Variants in NCOR2 observed in about 807,000 individuals in gnomAD.
NCOR2 encodes CTG repeat protein 26.
Under a neutral mutation model 262.9 loss-of-function variants are expected in NCOR2, and 81 were observed. The ratio of observed to expected loss-of-function variants is 0.31; its 90% CI spans 0.26 to 0.37. The LOEUF is 0.37. NCOR2 is among the 10% of genes least tolerant of loss of function. NCOR2 has a pLI of 1.00. For synonymous variants in NCOR2, 1,659 were observed against 1,559.3 expected, an observed-to-expected ratio of 1.06 and a Z score of -1.51; for missense variants, 3,385 against 3,621.4, an observed-to-expected ratio of 0.93 and a Z score of 1.68.
chr12:124,338,923 C>T (rs1431257060), intron 37 of NCOR2, among the ~76,000 whole-genome samples: 2 of 147,990 alleles, frequency 1.4e-5, no homozygotes, highest in Non-Finnish European at 3.0e-5. Flanking sequence ...CCCACCCACC[C>T]AGCTAACCCA....
chr12:124,469,673 C>T (rs2046726469), intron 4 of NCOR2, among the ~76,000 whole-genome samples: 1 of 152,204 alleles, frequency 6.6e-6, no homozygotes, highest in Non-Finnish European at 1.5e-5. Flanking sequence ...ACCTCAGTGT[C>T]TACTTCAGCA....
rs147402676 is a variant in NCOR2, at chr12:124,375,642, T to C, written c.2168-1179A>G. ...CCACCAGATGGCCTCCTTTCCTTTC[T>C]GCCTGGAGGTCCCCAGTACCGGGCT... On this transcript the variant is annotated intron_variant, in intron 18 of 46. Coordinates refer to ENST00000405201, the Ensembl canonical transcript of NCOR2. 4.7e-4 allele frequency among the ~76,000 whole-genome samples: 71 copies of C among 152,348 alleles called. 1 individual carries two copies. Among genetic ancestry groups the C allele is most frequent in the African/African-American group, 1.6e-3 (67 of 41,580 alleles).
At chr12:124,433,904 A>ACATG (rs2044171732) in intron 8 of NCOR2, among the ~76,000 whole-genome samples, 1 of 93,896 alleles carries the variant, frequency 1.1e-5, no homozygotes, top group South Asian at 3.9e-4. Context: ...ACACACGCAC[A>ACATG]CACACACACA....
chr12:124,388,771 C>T (rs764455504), intron 16 of NCOR2: 81 of 1,303,020 alleles, frequency 6.2e-5, no homozygotes, highest in Middle Eastern at 2.1e-4. Context: ...CGAAGTGGGC[C>T]GGCAGGCTGG....
At chr12:124,451,563 G>A (rs952798479) in intron 6 of NCOR2, among the ~76,000 whole-genome samples, 44 of 139,734 alleles carry the variant, frequency 3.1e-4, no homozygotes, top group Non-Finnish European at 5.9e-4. Flanking sequence ...GTGTGTGTGT[G>A]TATGTCTTTC....
intron 34 of NCOR2, 56 bp downstream of exon 36, chr12:124,341,767 C>A: frequency 6.4e-7 from 1 of 1,554,864 alleles, no homozygotes; most frequent in Non-Finnish European, 8.7e-7. Context: ...GGGGCACGCC[C>A]ATGTCCTTTG....
At chr12:124,334,579 C>T in exon 41 of NCOR2, 1 of 1,412,486 alleles carries the variant, frequency 7.1e-7, no homozygotes, top group South Asian at 1.6e-5. Context: ...CGCTGAGCTG[C>T]TGTGGGTGGT....
intron 44 of NCOR2, chr12:124,328,768 A>C (rs2034916790): frequency 5.0e-6 from 1 of 199,068 alleles, no homozygotes; most frequent in East Asian, 1.4e-4. Context: ...TCCTTTGTAA[A>C]CCAAACCGAG....
At chr12:124,332,576 C>T (rs1320728950) in intron 42 of NCOR2, 109 bp from the exon 45 acceptor site, 1 of 1,378,396 alleles carries the variant, frequency 7.3e-7, no homozygotes, top group African/African-American at 1.4e-5. Flanking sequence ...AAGCAAGCTT[C>T]ACCCGCCCCC....
Position 124,457,275 on chromosome 12 carries a change from A to T in NCOR2, c.706-113T>A, listed in dbSNP as rs1207282135. ...CTGCCCAGCCCAGTCCAGCATGCTG[A>T]TCCTCAGCACGGGGGAGGGAGGCCC... On this transcript the variant is annotated intron_variant, in intron 5 of 46. Coordinates refer to ENST00000405201, the Ensembl canonical transcript of NCOR2. The surrounding 1 kb of genome is among the most constrained non-coding windows in gnomAD (Gnocchi z 4.0). 1.7e-6 allele frequency: 2 copies of T among 1,197,492 alleles called. No individual in the cohort carries two copies. The highest frequency in any genetic ancestry group is 2.3e-6 in the Non-Finnish European group (2 of 883,804). The allele number at this position is 1,197,492 out of a possible 1,614,324, so 74.2% of individuals were successfully genotyped here.
rs2047572949 is a variant in NCOR2 at position 124,482,911 on chromosome 12, T to G, written c.411+685A>C. Among the ~76,000 whole-genome samples, 1 of 152,270 alleles carries G rather than the reference T, an allele frequency of 6.6e-6. No individual in the cohort carries two copies. The highest frequency in any genetic ancestry group is 6.5e-5 in the Admixed American group (1 of 15,302). Reference sequence around the variant, plus strand: ...CAGACTGGGCAGTAGAAGGCGGCTTTGTCATTCTAGGGGTCCAGGCCATGT... The same window carrying G: ...CAGACTGGGCAGTAGAAGGCGGCTTGGTCATTCTAGGGGTCCAGGCCATGT... On this transcript the variant is annotated intron_variant, in intron 3 of 46. Coordinates refer to ENST00000405201, the Ensembl canonical transcript of NCOR2. The surrounding 1 kb of genome is among the most constrained non-coding windows in gnomAD (Gnocchi z 6.3).
At chr12:124,342,272 C>T (rs944541460) in intron 33 of NCOR2, among the ~76,000 whole-genome samples, 198 bp from the exon 36 acceptor site, 3 of 152,200 alleles carry the variant, frequency 2.0e-5, no homozygotes, top group Admixed American at 1.3e-4. Flanking sequence ...GTGACTTCTA[C>T]GAAGGATGCT....
intron 1 of NCOR2, among the ~76,000 whole-genome samples, chr12:124,550,131 G>T (rs2051669463): frequency 6.7e-6 from 1 of 148,844 alleles, no homozygotes; most frequent in Non-Finnish European, 1.5e-5. Flanking sequence ...CAGGGGTGTT[G>T]CCCAGAGCAG....
chr12:124,381,560 A>T (rs2040410319), intron 17 of NCOR2, among the ~76,000 whole-genome samples: 1 of 152,190 alleles, frequency 6.6e-6, no homozygotes, highest in African/African-American at 2.4e-5. Context: ...CTCTGTAACT[A>T]TGTCTTTAGA....
intron 10 of NCOR2, 131 bp from the exon 13 acceptor site, chr12:124,426,931 A>T: frequency 1.3e-6 from 1 of 757,712 alleles, no homozygotes; most frequent in Non-Finnish European, 2.0e-6. Flanking sequence ...ACCAAGGAGA[A>T]GGAGAATGAT....
At chr12:124,437,436 C>A (rs937726204) in intron 8 of NCOR2, among the ~76,000 whole-genome samples, 4 of 152,204 alleles carry the variant, frequency 2.6e-5, no homozygotes, top group Non-Finnish European at 4.4e-5. Context: ...AGGCCACTGG[C>A]CACAAATGCA....
At chr12:124,492,404 C>T (rs1345846696) in intron 1 of NCOR2, among the ~76,000 whole-genome samples, 1 of 152,178 alleles carries the variant, frequency 6.6e-6, no homozygotes, top group African/African-American at 2.4e-5. Flanking sequence ...GTCTCACAGG[C>T]TCCAGGGAAG....
chr12:124,561,338 C>A (rs2052064475), intron 1 of NCOR2, among the ~76,000 whole-genome samples: 1 of 152,194 alleles, frequency 6.6e-6, no homozygotes, highest in South Asian at 2.1e-4. Context: ...ACTAAAATTT[C>A]ATCCCCCGGT....
chr12:124,325,378 C>CCGGGCG, exon 47 of NCOR2: 1 of 232,298 alleles, frequency 4.3e-6, no homozygotes, highest in African/African-American at 9.2e-5. Context: ...CCTGACACCG[C>CCGGGCG]CCCCCCCCCC....
Sources: gnomAD v4.1 joint callset for allele counts (sites outside exome capture counted in the v4.1 genomes callset) on GRCh38, gnomAD v4.1.1 for gene constraint, Gnocchi (gnomAD v3.1) non-coding constraint, MANE v1.5 for transcripts, NCBI Gene and HGNC (gene_info 2026-07-23, HGNC 2026-07-21) for gene names.